Variants in PABIR3 observed in about 807,000 individuals in gnomAD.
PABIR3 encodes the protein PABIR family member 3.
Under a neutral mutation model 23.1 loss-of-function variants are expected in PABIR3, and 20 were observed. The observed-to-expected ratio is 0.86, with a 90% CI of 0.61 to 1.26. The LOEUF (loss-of-function observed/expected upper bound fraction) is 1.26, where lower values mean the gene tolerates loss of function less well. Among genes scored for constraint, PABIR3 ranks in the 50% most tolerant of loss-of-function variants. PABIR3 has a pLI of 0.00. For synonymous variants in PABIR3, 69 were observed against 68.5 expected, an observed-to-expected ratio of 1.01 and a Z score of -0.04; for missense variants, 189 against 195.4, an observed-to-expected ratio of 0.97 and a Z score of 0.20.
intron 4 of PABIR3, among the ~76,000 whole-genome samples, chrX:134,843,712 C>T (rs1469272324): frequency 3.7e-5 from 4 of 107,038 alleles, no homozygotes; most frequent in Admixed American, 2.0e-4. Flanking sequence ...GGACTACATG[C>T]CCCTGCCACC....
intron 4 of PABIR3, among the ~76,000 whole-genome samples, chrX:134,839,788 C>G (rs1383567550): frequency 9.3e-6 from 1 of 107,339 alleles, no homozygotes; most frequent in Admixed American, 9.7e-5. Context: ...AGGTGAGGGG[C>G]GCCTCTGCCC....
chrX:134,840,245 T>G (rs1358684132), intron 4 of PABIR3, among the ~76,000 whole-genome samples: 2 of 110,841 alleles, frequency 1.8e-5, no homozygotes, highest in Non-Finnish European at 3.8e-5. Flanking sequence ...GTCCTCTGCC[T>G]AGGAAAACCA....
intron 3 of PABIR3, among the ~76,000 whole-genome samples, chrX:134,820,978 C>T (rs1302668816): frequency 9.4e-6 from 1 of 105,925 alleles, no homozygotes; most frequent in Non-Finnish European, 1.9e-5. Context: ...GCTGAGATCC[C>T]GCCACTGCAC....
chrX:134,832,560 A>G (rs1341628317), intron 4 of PABIR3, among the ~76,000 whole-genome samples: 3 of 107,328 alleles, frequency 2.8e-5, no homozygotes, highest in African/African-American at 1.0e-4. Context: ...CGCCACCACG[A>G]CAGGCTAATT....
At chrX:134,848,029 C>T in intron 8 of PABIR3, 58 bp downstream of exon 8, 1 of 962,600 alleles carries the variant, frequency 1.0e-6, no homozygotes, top group Non-Finnish European at 1.4e-6. Flanking sequence ...TTATAGAAAC[C>T]TAAAAGAAAT....
Position 134,854,128 on chromosome X carries a change from G to A in PABIR3, c.724G>A (p.Ala242Thr). The A allele has an allele frequency of 8.3e-7, 1 of 1,211,347 alleles. No homozygotes were observed. Among genetic ancestry groups the A allele is most frequent in the Non-Finnish European group, 1.1e-6 (1 of 895,316 alleles). ...TACTTTTGATGGAAACGACAGCAAT[G>A]CTGGATCTTCTGGTAATTCGTCAGC... is the stretch of plus-strand genomic sequence containing the variant. ...PATFDGNDSNAGSSGNSSAEI... is the reference protein window; with the variant it reads ...PATFDGNDSNTGSSGNSSAEI... Residue 242 changes from alanine (A) to threonine (T), a missense_variant, in exon 11 of 11, where the codon GCT becomes ACT. Coordinates refer to ENST00000645433, the MANE Select transcript of PABIR3 (RefSeq NM_001388447.1).
intron 8 of PABIR3, 118 bp from the exon 9 acceptor site, chrX:134,849,049 T>C: frequency 3.8e-6 from 1 of 266,118 alleles, no homozygotes; most frequent in Admixed American, 6.8e-5. Context: ...TAAAATGATG[T>C]AATATCCTAC....
chrX:134,824,864 A>G (rs1395312637), intron 3 of PABIR3, among the ~76,000 whole-genome samples: 1 of 112,356 alleles, frequency 8.9e-6, no homozygotes, highest in Non-Finnish European at 1.9e-5. Flanking sequence ...AGCATAGGGG[A>G]ATTTTAGGAC....
At chrX:134,806,353 C>T (rs763059686), upstream of PABIR3, among the ~76,000 whole-genome samples, 4 of 111,638 alleles carry the variant, frequency 3.6e-5, no homozygotes, top group South Asian at 7.4e-4. Context: ...CGGTGGCTCA[C>T]GCCTGTAATC....
At chrX:134,842,017 C>G (rs976148819) in intron 4 of PABIR3, among the ~76,000 whole-genome samples, 1 of 110,735 alleles carries the variant, frequency 9.0e-6, no homozygotes, top group Non-Finnish European at 1.9e-5. Flanking sequence ...AACAAAAAAA[C>G]TATCCTAATG....
In PABIR3 at chrX:134,844,589, C is replaced by T. The variant is rs889604097; in HGVS notation, c.247-616C>T. On this transcript the variant is annotated intron_variant, in intron 4 of 10. Coordinates refer to ENST00000645433, the MANE Select transcript of PABIR3 (RefSeq NM_001388447.1). ...CAAAGGAAGAAAGAACACATTACTC[C>T]AGATCTCACTACTCATTGATAACCA... is the stretch of plus-strand genomic sequence containing the variant. Among the ~76,000 whole-genome samples the T allele has an allele frequency of 7.2e-5, 8 of 111,508 alleles. No individual in the cohort carries two copies. The East Asian group carries it at 2.0e-3, about 27-fold the overall frequency.
chrX:134,856,831 C>T (rs1461187610), downstream of PABIR3, among the ~76,000 whole-genome samples: 3 of 110,001 alleles, frequency 2.7e-5, no homozygotes, highest in African/African-American at 9.9e-5. Context: ...GCCAACATGG[C>T]GAAATCCTGT....
At chrX:134,833,843 G>A (rs1320538611) in intron 4 of PABIR3, among the ~76,000 whole-genome samples, 2 of 111,775 alleles carry the variant, frequency 1.8e-5, no homozygotes, top group African/African-American at 3.3e-5. Context: ...CAAAGGACAT[G>A]ATCTCATTCC....
intron 3 of PABIR3, chrX:134,821,896 C>A: frequency 1.3e-6 from 1 of 758,598 alleles, no homozygotes; most frequent in Non-Finnish European, 1.6e-6. Flanking sequence ...TAGGAAATGG[C>A]TTAAAAACAG....
chrX:134,803,736 C>T (rs1432726764), upstream of PABIR3, among the ~76,000 whole-genome samples: 1 of 111,821 alleles, frequency 8.9e-6, no homozygotes, highest in Non-Finnish European at 1.9e-5. Context: ...ACTCCCTGCT[C>T]AAAAGAAATT....
At chrX:134,864,116 T>C in the PABIR3 span, among the ~76,000 whole-genome samples, 1 of 111,066 alleles carries the variant, frequency 9.0e-6, no homozygotes, top group African/African-American at 3.3e-5. Flanking sequence ...ATTGTCATGA[T>C]CTCGGCTCAC....
At chrX:134,844,630 T>G (rs1350874722) in intron 4 of PABIR3, among the ~76,000 whole-genome samples, 1 of 112,273 alleles carries the variant, frequency 8.9e-6, no homozygotes, top group Non-Finnish European at 1.9e-5. Context: ...AAGTTTCTGG[T>G]GAACATCTTT....
chrX:134,803,730 C>G (rs1314265960), upstream of PABIR3, among the ~76,000 whole-genome samples: 1 of 111,783 alleles, frequency 8.9e-6, no homozygotes, highest in Non-Finnish European at 1.9e-5. Flanking sequence ...CCTCCTACTC[C>G]CTGCTCAAAA....
intron 1 of PABIR3, 30 bp downstream of exon 1, chrX:134,807,371 C>G (rs763200980): frequency 2.2e-5 from 21 of 967,141 alleles, no homozygotes; most frequent in South Asian, 4.8e-5. Context: ...TTAGAGGCCC[C>G]GATCATGGGA....
Sources: allele counts gnomAD v4.1 joint callset (sites outside exome capture counted in the v4.1 genomes callset), GRCh38; gene constraint gnomAD v4.1.1; transcripts MANE v1.5; gene names NCBI Gene and HGNC (gene_info 2026-07-23, HGNC 2026-07-21).